The following PARD3B variants were observed in gnomAD, a reference collection of about 807,000 sequenced individuals.
PARD3B encodes par-3 family cell polarity regulator beta.
Under a neutral mutation model 130.2 loss-of-function variants are expected in PARD3B, and 103 were observed. The ratio of observed to expected loss-of-function variants is 0.79; its 90% CI spans 0.67 to 0.93. The LOEUF is 0.93. Among genes scored for constraint, PARD3B ranks in the 40% least tolerant of loss-of-function variants. The pLI is 0.00. For synonymous variants in PARD3B, 583 were observed against 553.2 expected (o/e 1.05, Z -0.76); for missense variants, 1,609 against 1,499.2 (o/e 1.07, Z -1.21).
chr2:204,627,322 A>G (rs1454258743), intron 1 of PARD3B, among the ~76,000 whole-genome samples: 1 of 152,188 alleles, frequency 6.6e-6, no homozygotes, highest in Non-Finnish European at 1.5e-5. Flanking sequence ...TCTAAAGTAA[A>G]TTGCAAATGT....
At chr2:204,710,323 A>G (rs1404396113) in intron 2 of PARD3B, among the ~76,000 whole-genome samples, 1 of 152,206 alleles carries the variant, frequency 6.6e-6, no homozygotes, top group South Asian at 2.1e-4. Context: ...GTTTCCATAT[A>G]TTCTGAATGG....
intron 2 of PARD3B, among the ~76,000 whole-genome samples, chr2:204,894,720 G>A (rs2046581214): frequency 6.6e-6 from 1 of 152,012 alleles, no homozygotes; most frequent in Non-Finnish European, 1.5e-5. Flanking sequence ...AGTTGTTGGT[G>A]TTTCAGGGTT....
chr2:204,978,691 G>T (rs1692401080), intron 3 of PARD3B, among the ~76,000 whole-genome samples: 3 of 152,092 alleles, frequency 2.0e-5, no homozygotes, highest in Admixed American at 6.5e-5. Flanking sequence ...GCTGTGCATG[G>T]TGTCTCATGC....
chr2:204,945,895 C>CT (rs111234741), intron 2 of PARD3B, among the ~76,000 whole-genome samples: 38,892 of 152,018 alleles, frequency 0.26, 5,310 homozygotes, highest in African/African-American at 0.29. Context: ...AGTTGGTTGG[C>CT]TTTTTGCAAA....
chr2:205,556,286 C>T (rs1329046788), intron 22 of PARD3B, among the ~76,000 whole-genome samples: 2 of 152,152 alleles, frequency 1.3e-5, no homozygotes, highest in Non-Finnish European at 2.9e-5. Flanking sequence ...GTTGTTTGTG[C>T]AATGCTTCAC....
In PARD3B at chr2:205,200,316, G is replaced by T. The variant is rs113486104; in HGVS notation, c.2140+6996G>T. ...CAGAATTTGATGAAGATTGGATATA[G>T]GTAATTTGGCACATATCTAACTTAA... On this transcript the variant is annotated intron_variant, in intron 15 of 22. Transcript: ENST00000406610. Among the ~76,000 whole-genome samples, 1,180 of 152,252 alleles carry T rather than the reference G, an allele frequency of 7.8e-3. 16 individuals carry two copies. Among genetic ancestry groups the T allele is most frequent in the Middle Eastern group, 0.014 (4 of 294 alleles).
intron 20 of PARD3B, among the ~76,000 whole-genome samples, chr2:205,499,525 A>G (rs2050078324): frequency 6.6e-6 from 1 of 152,142 alleles, no homozygotes; most frequent in African/African-American, 2.4e-5. Context: ...GCTTTGTCCC[A>G]AATTAGCAAT....
intron 15 of PARD3B, among the ~76,000 whole-genome samples, chr2:205,202,634 G>C (rs550507528): frequency 1.3e-5 from 2 of 152,258 alleles, no homozygotes; most frequent in East Asian, 3.9e-4. Flanking sequence ...TATTGAATGA[G>C]TGAATAAGAG....
At chr2:205,182,464 A>G (rs545557319) in intron 13 of PARD3B, among the ~76,000 whole-genome samples, 2 of 152,146 alleles carry the variant, frequency 1.3e-5, no homozygotes, top group African/African-American at 2.4e-5. Flanking sequence ...TAAAAATTAA[A>G]TTTAATGATT....
intron 3 of PARD3B, among the ~76,000 whole-genome samples, chr2:205,025,252 T>C (rs1225064959): frequency 6.6e-6 from 1 of 152,176 alleles, no homozygotes; most frequent in East Asian, 1.9e-4. Flanking sequence ...ATGCCAGTGA[T>C]TGCATGCTTG....
intron 3 of PARD3B, among the ~76,000 whole-genome samples, chr2:204,990,639 A>C (rs1011784398): frequency 6.6e-6 from 1 of 151,542 alleles, no homozygotes; most frequent in Non-Finnish European, 1.5e-5. Flanking sequence ...CTGTGTGTGT[A>C]TGTGTGTGTG....
chr2:204,559,308 A>G (rs1019834363), intron 1 of PARD3B, among the ~76,000 whole-genome samples: 1 of 152,254 alleles, frequency 6.6e-6, no homozygotes, highest in Non-Finnish European at 1.5e-5. Flanking sequence ...CAAAGGGCTA[A>G]TATCCAGAAT....
chr2:205,603,255 A>T (rs545840836), intron 22 of PARD3B, among the ~76,000 whole-genome samples: 5 of 152,192 alleles, frequency 3.3e-5, no homozygotes, highest in South Asian at 2.1e-4. Context: ...TTGCTGAGGC[A>T]TGTCTTACTT....
intron 21 of PARD3B, among the ~76,000 whole-genome samples, chr2:205,521,171 A>G (rs541917571): frequency 2.6e-4 from 39 of 151,998 alleles, no homozygotes; most frequent in Middle Eastern, 3.4e-3. Flanking sequence ...CCCTATTAAA[A>G]TTGAGTGTTT....
Position 205,263,032 on chromosome 2 carries a change from G to A in PARD3B, c.2185+17210G>A, listed in dbSNP as rs1348248568. ...AAGACAATACAGAGCTAGATTGAAA[G>A]CCCAAGGTACTGCCATGGGGGTAAT... On this transcript the variant is annotated intron_variant, in intron 16 of 22. Transcript: ENST00000406610. The surrounding 1 kb of genome is among the most constrained non-coding windows in gnomAD (Gnocchi z 4.0). Among the ~76,000 whole-genome samples the A allele has an allele frequency of 6.6e-6, 1 of 152,024 alleles. No homozygotes were observed. Among genetic ancestry groups the A allele is most frequent in the Admixed American group, 6.6e-5 (1 of 15,260 alleles).
intron 1 of PARD3B, among the ~76,000 whole-genome samples, chr2:204,624,057 A>G (rs1307561037): frequency 2.6e-5 from 4 of 152,194 alleles, no homozygotes; most frequent in Admixed American, 2.6e-4. Flanking sequence ...GTGGACATTT[A>G]GAGTGAAATG....
chr2:204,710,137 C>T (rs150072055), intron 2 of PARD3B, among the ~76,000 whole-genome samples: 2 of 152,264 alleles, frequency 1.3e-5, no homozygotes, highest in African/African-American at 4.8e-5. Context: ...ATCAGGTCTT[C>T]TTCCTTCTTT....
At chr2:204,941,203 G>A (rs576082898) in intron 2 of PARD3B, among the ~76,000 whole-genome samples, 14 of 152,180 alleles carry the variant, frequency 9.2e-5, no homozygotes, top group South Asian at 2.1e-4. Context: ...GCCAAACTCC[G>A]TCTCTACTAA....
chr2:204,951,815 T>C (rs1286586943), intron 2 of PARD3B, among the ~76,000 whole-genome samples: 1 of 152,202 alleles, frequency 6.6e-6, no homozygotes, highest in Non-Finnish European at 1.5e-5. Flanking sequence ...GCAAATATGC[T>C]GTTCAAGAAA....
Sources: gnomAD v4.1 joint callset for allele counts (sites outside exome capture counted in the v4.1 genomes callset) on GRCh38, gnomAD v4.1.1 for gene constraint, Gnocchi (gnomAD v3.1) non-coding constraint, MANE v1.5 for transcripts, NCBI Gene and HGNC (gene_info 2026-07-23, HGNC 2026-07-21) for gene names.